The following MAT1A variants were observed in gnomAD, a reference collection of about 807,000 sequenced individuals.
MAT1A encodes methionine adenosyltransferase 1A, also known as S-adenosylmethionine synthase isoform type-1.
MAT1A carries 19 observed loss-of-function variants against 44.0 expected under a neutral mutation model. That is an observed-to-expected ratio of 0.43 (90% confidence interval 0.30 to 0.63). MAT1A has a LOEUF of 0.63. MAT1A is among the 30% of genes least tolerant of loss of function. The probability of loss-of-function intolerance (pLI) is 0.12; values close to 1 mark genes in which losing one functional copy is unlikely to be tolerated. For synonymous variants in MAT1A, 205 were observed against 205.6 expected (o/e 1.00, Z 0.03); for missense variants, 397 against 531.0 (o/e 0.75, Z 2.48).
Position 80,283,951 on chromosome 10 carries a change from G to A in MAT1A, c.257C>T (p.Thr86Ile), listed in dbSNP as rs1371341814. Residue 86 changes from threonine (T) to isoleucine (I), a missense_variant, in exon 3 of 9, where the codon ACC becomes ATC. Thr to Ile is a moderately conservative substitution (Grantham distance 89). Coordinates refer to ENST00000372213, the MANE Select transcript of MAT1A (RefSeq NM_000429.3). ...GTCATCGTAGCCGATGTGCTTGATGGTGTCCCTCACCACCCGCTGGTAGTC... is the reference window on the plus strand; with the variant it reads ...GTCATCGTAGCCGATGTGCTTGATGATGTCCCTCACCACCCGCTGGTAGTC... ...MVDYQRVVRD[T>I]IKHIGYDDSA... 7 of 1,614,216 alleles carry A rather than the reference G, an allele frequency of 4.3e-6. No homozygotes were observed. Among genetic ancestry groups the A allele is most frequent in the East Asian group, 2.2e-5 (1 of 44,878 alleles).
rs1361120910 is a variant in MAT1A, at chr10:80,275,405, G to A, written c.769-206C>T. The A allele has an allele frequency of 6.5e-6, 4 of 615,536 alleles. No individual in the cohort carries two copies. In the East Asian group the frequency reaches 1.1e-4, roughly 17 times the overall value. 38.1% of individuals were successfully genotyped at this position (615,536 alleles called of 1,614,324 possible). A position where few individuals can be genotyped will look rare whatever the true frequency, so the allele number is the denominator to read the frequency against. Reference sequence around the variant, plus strand: ...ACAACATATTGAAAACAGGTAACCTGCCAAAGCTTCATTAGCAAGTGCAGA... The same window carrying A: ...ACAACATATTGAAAACAGGTAACCTACCAAAGCTTCATTAGCAAGTGCAGA... On this transcript the variant is annotated intron_variant, in intron 6 of 8. Coordinates refer to ENST00000372213, the MANE Select transcript of MAT1A (RefSeq NM_000429.3).
At position 80,274,548 on chromosome 10, in the gene MAT1A, A is replaced by C; in HGVS notation, c.1057T>G (p.Phe353Val). 1.9e-6 allele frequency: 3 copies of C among 1,614,166 alleles called. No homozygotes were observed. The highest frequency in any genetic ancestry group is 1.7e-6 in the Non-Finnish European group (2 of 1,180,030). Reference protein sequence around the residue: ...RELLDVVHKNFDLRPGVIVRD... With the variant: ...RELLDVVHKNVDLRPGVIVRD... ...ACAATGACGCCCGGCCGGAGGTCGA[A>C]GTTCTTATGCACCACATCCAGCAGC... Residue 353 changes from phenylalanine (F) to valine (V), a missense_variant, in exon 8 of 9, where the codon TTC (phenylalanine) becomes GTC (valine). Phe to Val is a conservative substitution (Grantham distance 50, BLOSUM62 -1). Coordinates refer to ENST00000372213, the MANE Select transcript of MAT1A (RefSeq NM_000429.3).
intron 3 of MAT1A, among the ~76,000 whole-genome samples, chr10:80,282,591 G>A (rs1007217745): frequency 6.6e-6 from 1 of 152,168 alleles, no homozygotes; most frequent in African/African-American, 2.4e-5. Flanking sequence ...GCCTCAGGAA[G>A]CTGCAGCTCT....
chr10:80,282,571 G>A lies in MAT1A; in HGVS notation c.292+1345C>T, dbSNP rs754877706. 3.3e-5 allele frequency among the ~76,000 whole-genome samples: 5 copies of A among 152,152 alleles called. No homozygotes were observed. In the East Asian group the frequency reaches 5.8e-4, roughly 18 times the overall value. ...CTTTTTTTTTGGTAGAACAGGCTCC[G>A]TGTGGTAACGCCTCAGGAAGCTGCA... On this transcript the variant is annotated intron_variant, in intron 3 of 8. Transcript: ENST00000372213.
At chr10:80,287,605 A>G (rs1405886109) in intron 1 of MAT1A, among the ~76,000 whole-genome samples, 1 of 152,200 alleles carries the variant, frequency 6.6e-6, no homozygotes, top group Admixed American at 6.5e-5. Context: ...ACAATGGACC[A>G]TTCTTGGGAC....
In MAT1A at chr10:80,280,299, A is replaced by G. The variant is rs2132705807; in HGVS notation, c.423T>C (p.Tyr141=). 6.2e-7 allele frequency: 1 copy of G among 1,613,996 alleles called. No homozygotes were observed. Among genetic ancestry groups the G allele is most frequent in the Non-Finnish European group, 8.5e-7 (1 of 1,179,994 alleles). Reference sequence around the variant, plus strand: ...TGCACTCCTCTGTCTCGTCGGTAGCATAGCCGAACATCAAACCCTGTGGCG... The same window carrying G: ...TGCACTCCTCTGTCTCGTCGGTAGCGTAGCCGAACATCAAACCCTGTGGCG... ...GAGDQGLMFG[Y]ATDETEECMP... Residue 141 remains tyrosine (Y), a synonymous_variant, in exon 5 of 9, where the codon TAT becomes TAC. Transcript: ENST00000372213.
Position 80,276,348 on chromosome 10 carries a change from A to G in MAT1A, c.768+28T>C, listed in dbSNP as rs1309498163. On this transcript the variant is annotated intron_variant, in intron 6 of 8. Coordinates refer to ENST00000372213, the MANE Select transcript of MAT1A (RefSeq NM_000429.3). The stretch of plus-strand genomic sequence containing the variant: ...GCAACCCCAGTAACAAAGACAAACC[A>G]GGGCTTCGTTCAGAGACAAGAATGC... 5 of 1,611,334 alleles carry G rather than the reference A, an allele frequency of 3.1e-6. No individual in the cohort carries two copies. In the East Asian group the frequency reaches 8.9e-5, roughly 29 times the overall value.
intron 5 of MAT1A, among the ~76,000 whole-genome samples, chr10:80,278,892 T>C (rs60011422): frequency 0.019 from 2,850 of 152,106 alleles, 81 homozygotes; most frequent in African/African-American, 0.062. Flanking sequence ...CCAAAAGAGG[T>C]AGAACTTTGC....
At chr10:80,281,168 C>T (rs1353286181) in intron 3 of MAT1A, among the ~76,000 whole-genome samples, 1 of 152,162 alleles carries the variant, frequency 6.6e-6, no homozygotes, top group Non-Finnish European at 1.5e-5. Flanking sequence ...CCCACAGGTG[C>T]CTCCCAGAAT....
At chr10:80,279,157 A>C (rs1368964882) in intron 5 of MAT1A, among the ~76,000 whole-genome samples, 2 of 152,282 alleles carry the variant, frequency 1.3e-5, no homozygotes, top group Non-Finnish European at 2.9e-5. Context: ...TGAGGCCTAA[A>C]GGGGATTAGC....
chr10:80,276,306 C>T, intron 6 of MAT1A, 70 bp downstream of exon 6: 1 of 1,507,142 alleles, frequency 6.6e-7, no homozygotes, highest in Non-Finnish European at 9.2e-7. Context: ...TTGAGGTTTT[C>T]CTGCTCTGAG....
chr10:80,277,504 G>A (rs141253083), intron 5 of MAT1A, among the ~76,000 whole-genome samples: 79 of 152,328 alleles, frequency 5.2e-4, no homozygotes, highest in Middle Eastern at 6.8e-3. Context: ...GAGATGGCCC[G>A]ATGCACACAG....
At chr10:80,280,611 A>C in intron 4 of MAT1A, 69 bp downstream of exon 4, 1 of 1,333,250 alleles carries the variant, frequency 7.5e-7, no homozygotes, top group East Asian at 2.3e-5. Flanking sequence ...CCTCAGTGTG[A>C]TTAACCCACT....
At chr10:80,274,792 A>G in intron 7 of MAT1A, 139 bp from the exon 8 acceptor site, 1 of 1,306,786 alleles carries the variant, frequency 7.7e-7, no homozygotes, top group Non-Finnish European at 1.1e-6. Context: ...TTTTCCTGCT[A>G]TCTTCACCGA....
Position 80,289,488 on chromosome 10 carries a change from G to A in MAT1A, c.-65C>T, listed in dbSNP as rs371316857. On this transcript the variant is annotated 5_prime_UTR_variant, in exon 1 of 9. Transcript: ENST00000372213. ...ATTTTGAGGCTGTGACTTTGCCTGA[G>A]TTTTTTTTTCTTCTTCTTCTTCTTC... is the stretch of plus-strand genomic sequence containing the variant. The A allele has an allele frequency of 9.1e-7, 1 of 1,101,826 alleles. No homozygotes were observed. The highest frequency in any genetic ancestry group is 1.3e-5 in the South Asian group (1 of 78,238). 68.3% of individuals were successfully genotyped at this position (1,101,826 alleles called of 1,614,324 possible).
In MAT1A at chr10:80,271,987, T is replaced by A. The variant is rs563366098; in HGVS notation, c.*1794A>T. The A allele has an allele frequency of 1.3e-5, 2 of 152,302 alleles. No individual in the cohort carries two copies. The highest frequency in any genetic ancestry group is 4.1e-4 in the South Asian group (2 of 4,820). The allele number at this position is 152,302 out of a possible 1,614,324, so 9.4% of individuals were successfully genotyped here. ...GAGTGTGAGCCAAGTTAGAGGAACT[T>A]GGCCACCTGCAAACCACTCCCTCCC... On this transcript the variant is annotated 3_prime_UTR_variant, in exon 9 of 9. Transcript: ENST00000372213.
Position 80,275,298 on chromosome 10 carries a change from G to A in MAT1A, c.769-99C>T. 15 of 1,075,344 alleles carry A rather than the reference G, an allele frequency of 1.4e-5. 1 individual carries two copies. The highest frequency in any genetic ancestry group is 2.1e-5 in the Non-Finnish European group (15 of 723,686). The allele number at this position is 1,075,344 out of a possible 1,614,324, so 66.6% of individuals were successfully genotyped here. ...TGGCAGCTGAACTGCAACTCAGGAA[G>A]GATGTCCTGGGGCTGCCCACAGACA... is the stretch of plus-strand genomic sequence containing the variant. On this transcript the variant is annotated intron_variant, in intron 6 of 8. Transcript: ENST00000372213.
In MAT1A at chr10:80,276,436, C is replaced by T; in HGVS notation, c.708G>A (p.Leu236=). 1.2e-6 allele frequency: 2 copies of T among 1,614,176 alleles called. No homozygotes were observed. The highest frequency in any genetic ancestry group is 2.2e-5 in the East Asian group (1 of 44,882). The change falls in exon 6 of 9, where the codon CTG becomes CTA. Residue 236 remains leucine, a synonymous_variant. Coordinates refer to ENST00000372213, the MANE Select transcript of MAT1A (RefSeq NM_000429.3). ...VIRAVVPAKY[L]DEDTVYHLQP... is the part of the protein sequence containing the mutation. ...GCAGGTGGTAGACGGTGTCTTCGTC[C>T]AGGTACTTGGCCGGCACCACGGCCC...
At chr10:80,279,430 G>C (rs1209976258) in intron 5 of MAT1A, among the ~76,000 whole-genome samples, 1 of 152,088 alleles carries the variant, frequency 6.6e-6, no homozygotes, top group Non-Finnish European at 1.5e-5. Context: ...GTGGGAGTAT[G>C]TGAAGGTGAC....
Sources: gnomAD v4.1 joint callset for allele counts (sites outside exome capture counted in the v4.1 genomes callset) on GRCh38, gnomAD v4.1.1 for gene constraint, MANE v1.5 for transcripts, NCBI Gene and HGNC (gene_info 2026-07-23, HGNC 2026-07-21) for gene names.